Variants in CDH13 observed in about 807,000 individuals in gnomAD.
The protein encoded by CDH13 is cadherin-13.
A neutral mutation model predicts 63.8 loss-of-function variants in CDH13; 24 were observed. That is an observed-to-expected ratio of 0.38 (90% CI 0.27 to 0.53). The LOEUF (loss-of-function observed/expected upper bound fraction) is 0.53, where lower values mean the gene tolerates loss of function less well. Ranked by LOEUF, CDH13 falls within the 20% of genes least tolerant of loss-of-function variation. The pLI, the probability that CDH13 is intolerant of heterozygous loss-of-function variation, is 0.85. For missense variants in CDH13, 1,049 were observed against 903.1 expected, an observed-to-expected ratio of 1.16 and a Z score of -2.07; for synonymous variants, 503 against 355.3, an observed-to-expected ratio of 1.42 and a Z score of -4.67.
rs572919871 is a variant in CDH13 at position 83,379,886 on chromosome 16, G to A, written c.781+34880G>A. Among the ~76,000 whole-genome samples the A allele has an allele frequency of 1.8e-4, 26 of 147,364 alleles. No individual in the cohort carries two copies. In the South Asian group the frequency reaches 5.6e-3, roughly 32 times the overall value. On this transcript the variant is annotated intron_variant, in intron 6 of 13. Transcript: ENST00000567109. ...ATTTCTATAAAGATTATATGTGTGT[G>A]TATATAGATATATGTATTATATATG... is the stretch of plus-strand genomic sequence containing the variant.
At chr16:83,224,543 G>A (rs10781999) in intron 5 of CDH13, among the ~76,000 whole-genome samples, 149,702 of 152,328 alleles carry the variant, frequency 0.98, 73,625 homozygotes, top group East Asian at 1. Flanking sequence ...ATGTGACCTA[G>A]GCAAGAGCCC....
chr16:83,279,267 A>G (rs1305383435), intron 5 of CDH13, among the ~76,000 whole-genome samples: 1 of 152,168 alleles, frequency 6.6e-6, no homozygotes, highest in Non-Finnish European at 1.5e-5. Context: ...ATAGATCTGA[A>G]GTAGAAGAGA....
At chr16:83,788,802 G>C (rs771155801) in intron 13 of CDH13, among the ~76,000 whole-genome samples, 2 of 152,192 alleles carry the variant, frequency 1.3e-5, no homozygotes, top group Non-Finnish European at 2.9e-5. Flanking sequence ...CTCACTGTAA[G>C]TAGGGGCACC....
At chr16:83,227,158 C>T (rs889722) in intron 5 of CDH13, among the ~76,000 whole-genome samples, 93,610 of 152,034 alleles carry the variant, frequency 0.62, 30,191 homozygotes, top group East Asian at 0.84. Context: ...TGATCACAAA[C>T]GATTGGGTCA....
At chr16:82,786,004 C>T (rs984972575) in intron 1 of CDH13, among the ~76,000 whole-genome samples, 4 of 152,062 alleles carry the variant, frequency 2.6e-5, no homozygotes, top group South Asian at 2.1e-4. Flanking sequence ...AAACTAATTC[C>T]GACTGGCAAA....
intron 5 of CDH13, among the ~76,000 whole-genome samples, chr16:83,318,217 T>C (rs2090146212): frequency 6.6e-6 from 1 of 152,222 alleles, no homozygotes; most frequent in Non-Finnish European, 1.5e-5. Context: ...GTAGGGCTCA[T>C]TTCCAGTAAG....
At chr16:82,717,666 C>T (rs554857519) in intron 1 of CDH13, among the ~76,000 whole-genome samples, 31 of 152,150 alleles carry the variant, frequency 2.0e-4, no homozygotes, top group Non-Finnish European at 3.7e-4. Context: ...TCCTCTGCCC[C>T]CCTCTTATGA....
intron 1 of CDH13, among the ~76,000 whole-genome samples, chr16:82,855,534 T>C (rs1290188740): frequency 6.6e-6 from 1 of 152,222 alleles, no homozygotes; most frequent in Non-Finnish European, 1.5e-5. Flanking sequence ...TGGCCAGTTA[T>C]AGATTTTCTG....
intron 5 of CDH13, among the ~76,000 whole-genome samples, chr16:83,323,214 C>CTTTCTTTCTTTCTTTT (rs2090277343): frequency 6.9e-6 from 1 of 144,758 alleles, no homozygotes; most frequent in African/African-American, 2.6e-5. Context: ...TTCTTTCTTT[C>CTTTCTTTCTTTCTTTT]TTTCTTTCTT....
chr16:83,327,904 G>A (rs995179420), intron 5 of CDH13, among the ~76,000 whole-genome samples: 6 of 152,262 alleles, frequency 3.9e-5, no homozygotes, highest in East Asian at 3.9e-4. Context: ...AGTCCGAAGC[G>A]GGTGGATCAC....
chr16:83,388,078 G>A (rs74034051), intron 6 of CDH13, among the ~76,000 whole-genome samples: 2,288 of 152,082 alleles, frequency 0.015, 24 homozygotes, highest in African/African-American at 0.029. Flanking sequence ...CCAAGAATCC[G>A]GCATTGACAC....
At chr16:83,734,891 A>G (rs377658722) in intron 10 of CDH13, among the ~76,000 whole-genome samples, 122 of 151,450 alleles carry the variant, frequency 8.1e-4, no homozygotes, top group African/African-American at 2.9e-3. Flanking sequence ...CAGCTCCTTG[A>G]TTTTATCTGG....
intron 2 of CDH13, among the ~76,000 whole-genome samples, chr16:83,004,045 GA>G (rs548410809): frequency 6.6e-6 from 1 of 152,100 alleles, no homozygotes; most frequent in Non-Finnish European, 1.5e-5. Context: ...TGCTCTTTGG[GA>G]AAAAAATATT....
At chr16:82,631,718 C>A (rs1476203394) in intron 1 of CDH13, among the ~76,000 whole-genome samples, 2 of 152,136 alleles carry the variant, frequency 1.3e-5, no homozygotes, top group East Asian at 3.9e-4. Context: ...TCAGCAGTGG[C>A]CTTATTCTAG....
At chr16:83,077,480 A>C (rs895497741) in intron 3 of CDH13, among the ~76,000 whole-genome samples, 1 of 152,022 alleles carries the variant, frequency 6.6e-6, no homozygotes, top group Admixed American at 6.5e-5. Flanking sequence ...GGTGTGAGCC[A>C]TCACACCTGG....
intron 2 of CDH13, among the ~76,000 whole-genome samples, chr16:82,986,705 C>T (rs1482826214): frequency 6.6e-6 from 1 of 152,208 alleles, no homozygotes; most frequent in East Asian, 1.9e-4. Flanking sequence ...GCTTGAACTA[C>T]ATCCAATAGT....
intron 7 of CDH13, among the ~76,000 whole-genome samples, chr16:83,525,661 C>A (rs1236287401): frequency 6.6e-6 from 1 of 152,116 alleles, no homozygotes; most frequent in Admixed American, 6.5e-5. Context: ...GCCCCAGAAG[C>A]TGGGACTATG....
intron 8 of CDH13, among the ~76,000 whole-genome samples, chr16:83,607,900 CT>C (rs1908492080): frequency 6.6e-6 from 1 of 151,948 alleles, no homozygotes; most frequent in Non-Finnish European, 1.5e-5. Context: ...TCATTCTTGT[CT>C]CTTAGGTTAT....
At chr16:82,747,403 T>C (rs954382513) in intron 1 of CDH13, among the ~76,000 whole-genome samples, 15 of 152,220 alleles carry the variant, frequency 9.9e-5, no homozygotes, top group African/African-American at 2.4e-4. Context: ...TCTTCTCATA[T>C]AGTTTTTAGG....
Sources: allele counts gnomAD v4.1 joint callset (sites outside exome capture counted in the v4.1 genomes callset), GRCh38; gene constraint gnomAD v4.1.1; transcripts MANE v1.5; gene names NCBI Gene and HGNC (gene_info 2026-07-23, HGNC 2026-07-21).